Variants in CPNE6 observed in about 807,000 individuals in gnomAD.
CPNE6 encodes the protein copine 6.
In CPNE6, 33 loss-of-function variants were observed where a neutral mutation model predicts 71.5. That is an observed-to-expected ratio of 0.46 (90% CI 0.35 to 0.62). The LOEUF is 0.62. Among genes scored for constraint, CPNE6 ranks in the 20% least tolerant of loss-of-function variants. The probability of loss-of-function intolerance (pLI) is 0.00; values close to 1 mark genes in which losing one functional copy is unlikely to be tolerated. For missense variants in CPNE6, 576 were observed against 747.3 expected, an observed-to-expected ratio of 0.77 and a Z score of 2.67; for synonymous variants, 296 against 293.0, an observed-to-expected ratio of 1.01 and a Z score of -0.10.
chr14:24,074,071 C>T lies in CPNE6; in HGVS notation c.369C>T (p.Val123=), dbSNP rs1462952093. The change falls in exon 5 of 18, where the codon GTC becomes GTT. Residue 123 remains valine (V), a synonymous_variant. Coordinates refer to ENST00000397016, the Ensembl canonical transcript of CPNE6. The surrounding 1 kb of genome is among the most constrained non-coding windows in gnomAD (Gnocchi z 4.5). Reference sequence around the variant, plus strand: ...CCCAGATTGTGTCACAAACCAAGGTCACTAAGCCATTATTGCTGAAGAATG... The same window carrying T: ...CCCAGATTGTGTCACAAACCAAGGTTACTAAGCCATTATTGCTGAAGAATG... 1.2e-5 allele frequency: 19 copies of T among 1,614,184 alleles called. No homozygotes were observed. Among genetic ancestry groups the T allele is most frequent in the Non-Finnish European group, 1.5e-5 (18 of 1,180,018 alleles).
In CPNE6 at chr14:24,074,053, T is replaced by C. The variant is rs771538255; in HGVS notation, c.351T>C (p.Ile117=). The stretch of plus-strand genomic sequence containing the variant: ...TCTCCCTCCACCTCCATCCCCAGAT[T>C]GTGTCACAAACCAAGGTCACTAAGC... The change falls in exon 5 of 18, where the codon ATT becomes ATC. Residue 117 remains isoleucine (I), a splice_region_variant and synonymous_variant. Transcript: ENST00000397016. The surrounding 1 kb of genome is among the most constrained non-coding windows in gnomAD (Gnocchi z 4.5). 2 of 1,613,960 alleles carry C rather than the reference T, an allele frequency of 1.2e-6. No individual in the cohort carries two copies. Among genetic ancestry groups the C allele is most frequent in the African/African-American group, 2.7e-5 (2 of 74,906 alleles).
At chr14:24,076,106 G>A in intron 11 of CPNE6, 43 bp from the exon 11 acceptor site, 2 of 1,601,282 alleles carry the variant, frequency 1.2e-6, no homozygotes, top group Non-Finnish European at 1.7e-6. Flanking sequence ...CAATCTGGTG[G>A]CTCTCATGGT....
At position 24,077,860 on chromosome 14, in the gene CPNE6, TG is replaced by T; in HGVS notation, c.*38-27del. ...AGGCTGGGTGTAGTGTAGAAGAGAG[TG>T]CTTATGACTCTCCCACCCCCTCCCA... On this transcript the variant is annotated intron_variant, in intron 17 of 17. Coordinates refer to ENST00000397016, the Ensembl canonical transcript of CPNE6. The surrounding 1 kb of genome is among the most constrained non-coding windows in gnomAD (Gnocchi z 6.1). 6.9e-6 allele frequency: 7 copies of T among 1,018,112 alleles called. No homozygotes were observed. Among genetic ancestry groups the T allele is most frequent in the Non-Finnish European group, 8.0e-6 (6 of 749,714 alleles). 63.1% of individuals were successfully genotyped at this position (1,018,112 alleles called of 1,614,324 possible).
Position 24,074,078 on chromosome 14 carries a change from C to T in CPNE6, c.376C>T (p.Pro126Ser). Residue 126 changes from proline (P) to serine (S), a missense_variant, in exon 5 of 18, where the codon CCA becomes TCA. Pro to Ser is a moderately conservative substitution (Grantham distance 74, BLOSUM62 -1). Coordinates refer to ENST00000397016, the Ensembl canonical transcript of CPNE6. This position sits in a 1 kb window ranked among gnomAD's most constrained non-coding sequence, Gnocchi z 4.5. ...TGTGTCACAAACCAAGGTCACTAAG[C>T]CATTATTGCTGAAGAATGGGAAGAC... 2.5e-6 allele frequency: 4 copies of T among 1,614,172 alleles called. No homozygotes were observed. Among genetic ancestry groups the T allele is most frequent in the Non-Finnish European group, 2.5e-6 (3 of 1,180,016 alleles).
rs2036129317 is a variant in CPNE6 at position 24,077,480 on chromosome 14, G to C, written c.1536+90G>C. 1 of 1,568,536 alleles carries C rather than the reference G, an allele frequency of 6.4e-7. No homozygotes were observed. Among genetic ancestry groups the C allele is most frequent in the Admixed American group, 1.7e-5 (1 of 59,868 alleles). On this transcript the variant is annotated intron_variant, in intron 16 of 17. Coordinates refer to ENST00000397016, the Ensembl canonical transcript of CPNE6. The surrounding 1 kb of genome is among the most constrained non-coding windows in gnomAD (Gnocchi z 6.1). ...TTCGTCTTCCACCATTTGATGTCCT[G>C]CTAAGGACGCGGGAGCCCAGCTGGC...
At chr14:24,072,023 G>A in intron 2 of CPNE6, 1 of 209,164 alleles carries the variant, frequency 4.8e-6, no homozygotes, top group Non-Finnish European at 9.6e-6. Flanking sequence ...ACTCACTCGG[G>A]GAAGCATGAC....
chr14:24,071,832 C>T (rs573736279), intron 2 of CPNE6, 191 bp downstream of exon 1: 97 of 557,196 alleles, frequency 1.7e-4, no homozygotes, highest in African/African-American at 1.7e-3. Flanking sequence ...GACCCCCCTC[C>T]CCCAGCCCAG....
chr14:24,072,875 C>A, intron 2 of CPNE6, 58 bp from the exon 2 acceptor site: 1 of 1,412,418 alleles, frequency 7.1e-7, no homozygotes, highest in Non-Finnish European at 9.3e-7. Context: ...GAGGATAGAC[C>A]CCTCTGCTGG....
chr14:24,071,499 G>T (rs1479833243), intron 1 of CPNE6, 63 bp from the exon 1 acceptor site: 14 of 1,516,050 alleles, frequency 9.2e-6, no homozygotes, highest in African/African-American at 1.4e-5. Context: ...AGCTGGTGCT[G>T]CGCCCCCCCC....
In CPNE6 at chr14:24,075,136, T is replaced by G; in HGVS notation, c.673-36T>G. The G allele has an allele frequency of 6.6e-7, 1 of 1,514,506 alleles. No homozygotes were observed. The highest frequency in any genetic ancestry group is 9.2e-7 in the Non-Finnish European group (1 of 1,089,356). The allele number at this position is 1,514,506 out of a possible 1,614,324, so 93.8% of individuals were successfully genotyped here. ...CTCACCGTGAATACCGCAGAGCATCTCCAACCTGACCCCACCCCTCCCCCT... is the reference window on the plus strand; with the variant it reads ...CTCACCGTGAATACCGCAGAGCATCGCCAACCTGACCCCACCCCTCCCCCT... On this transcript the variant is annotated intron_variant, in intron 8 of 17. Transcript: ENST00000397016. The surrounding 1 kb of genome is among the most constrained non-coding windows in gnomAD (Gnocchi z 4.3).
At chr14:24,076,545 C>G (rs749544204) in exon 14 of CPNE6, 1 of 1,614,156 alleles carries the variant, frequency 6.2e-7, no homozygotes, top group South Asian at 1.1e-5. Context: ...CCCGGAAAAT[C>G]CTGAATGTGA....
At position 24,074,956 on chromosome 14, in the gene CPNE6, CAT is replaced by C. The variant is rs1020806817; in HGVS notation, c.672+162_672+163del. 6.6e-6 allele frequency among the ~76,000 whole-genome samples: 1 copy of C among 152,208 alleles called. No individual in the cohort carries two copies. Among genetic ancestry groups the C allele is most frequent in the Non-Finnish European group, 1.5e-5 (1 of 68,042 alleles). On this transcript the variant is annotated intron_variant, in intron 8 of 17. Transcript: ENST00000397016. The surrounding 1 kb of genome is among the most constrained non-coding windows in gnomAD (Gnocchi z 4.5). ...TCACAGCTCAATGTTAAACTTCCCA[CAT>C]GTGTGCATTTTATCAGTGGCCAAAG...
Position 24,075,455 on chromosome 14 carries a change from A to T in CPNE6, c.778-50A>T. On this transcript the variant is annotated intron_variant, in intron 9 of 17. Coordinates refer to ENST00000397016, the Ensembl canonical transcript of CPNE6. This position sits in a 1 kb window ranked among gnomAD's most constrained non-coding sequence, Gnocchi z 4.3. The stretch of plus-strand genomic sequence containing the variant: ...GGAGGCTCTGCTGGAAGGGAGAAAG[A>T]GGGGTCACCTGATGGACTTGTGACC... 1 of 1,547,944 alleles carries T rather than the reference A, an allele frequency of 6.5e-7. No individual in the cohort carries two copies. Among genetic ancestry groups the T allele is most frequent in the Non-Finnish European group, 8.9e-7 (1 of 1,127,120 alleles).
intron 2 of CPNE6, 32 bp from the exon 2 acceptor site, chr14:24,072,901 C>T (rs1370876888): frequency 3.4e-6 from 5 of 1,475,144 alleles, no homozygotes; most frequent in Non-Finnish European, 4.5e-6. Context: ...GTTCCCTTTC[C>T]AGAGTCCAGG....
chr14:24,071,667 C>T, intron 2 of CPNE6, 26 bp downstream of exon 1: 1 of 776,886 alleles, frequency 1.3e-6, no homozygotes, highest in Middle Eastern at 3.1e-4. Flanking sequence ...CTCCCCAGCC[C>T]AGCCCCAGCC....
chr14:24,076,019 C>T (rs2138851294), intron 11 of CPNE6, 130 bp from the exon 11 acceptor site: 1 of 1,495,652 alleles, frequency 6.7e-7, no homozygotes, highest in Non-Finnish European at 9.2e-7. Flanking sequence ...TATGCACCCC[C>T]ACATCATTAT....
At chr14:24,072,934 G>C in exon 3 of CPNE6, 2 of 1,569,466 alleles carry the variant, frequency 1.3e-6, no homozygotes, top group Non-Finnish European at 1.7e-6. Flanking sequence ...TCCCCACAGT[G>C]ACATGTCGGA....
intron 1 of CPNE6, 62 bp from the exon 1 acceptor site, chr14:24,071,500 C>CGCGG: frequency 9.5e-6 from 14 of 1,476,266 alleles, no homozygotes; most frequent in Non-Finnish European, 1.3e-5. Context: ...GCTGGTGCTG[C>CGCGG]GCCCCCCCCC....
rs1357700680 is a variant in CPNE6, at chr14:24,075,265, C to T, written c.766C>T (p.Pro256Ser). The T allele has an allele frequency of 6.2e-7, 1 of 1,614,008 alleles. No homozygotes were observed. The highest frequency in any genetic ancestry group is 8.5e-7 in the Non-Finnish European group (1 of 1,179,884). Residue 256 changes from proline (P) to serine (S), a missense_variant, in exon 9 of 18, where the codon CCT becomes TCT. Around this residue, in one of 4 missense-constraint regions of CPNE6, gnomAD observed 214 missense variants for 291.2 expected, o/e 0.73. Coordinates refer to ENST00000397016, the Ensembl canonical transcript of CPNE6. The surrounding 1 kb of genome is among the most constrained non-coding windows in gnomAD (Gnocchi z 4.3). ...GGAGATGCAGGAAGGGACGGCAAAC[C>T]CTGGGCAGGAGGTGCCACAAATACC...
Sources: allele counts gnomAD v4.1 joint callset (sites outside exome capture counted in the v4.1 genomes callset), GRCh38; gene constraint gnomAD v4.1.1; regional missense constraint gnomAD v4.1.1; non-coding constraint Gnocchi (gnomAD v3.1); transcripts MANE v1.5; gene names NCBI Gene and HGNC (gene_info 2026-07-23, HGNC 2026-07-21).